The following FGD4 variants were observed in gnomAD, a reference collection of about 807,000 sequenced individuals.
FGD4 encodes the protein FYVE, RhoGEF and PH domain-containing protein 4.
FGD4 carries 42 observed loss-of-function variants against 102.0 expected under a neutral mutation model. That is an observed-to-expected ratio of 0.41 (90% CI 0.32 to 0.53). The LOEUF is 0.53. Among genes scored for constraint, FGD4 ranks in the 20% least tolerant of loss-of-function variants. FGD4 has a pLI of 0.21. For missense variants in FGD4, 902 were observed against 1,078.2 expected (o/e 0.84, Z 2.29); for synonymous variants, 380 against 375.7 (o/e 1.01, Z -0.13).
intron 4 of FGD4, among the ~76,000 whole-genome samples, chr12:32,588,924 A>G (rs1947259409): frequency 6.6e-6 from 1 of 152,180 alleles, no homozygotes; most frequent in Non-Finnish European, 1.5e-5. Context: ...TATGGGGTTA[A>G]AAACAAATTA....
rs564983024 is a variant in FGD4, at chr12:32,625,363, G to A, written c.2047-291G>A. 9.4e-5 allele frequency among the ~76,000 whole-genome samples: 14 copies of A among 149,642 alleles called. No individual in the cohort carries two copies. In the East Asian group the frequency reaches 1.6e-3, roughly 17 times the overall value. ...TGGCTCACTGCAAACTCCGCCTCCC[G>A]GGTTCAAGCGATTTTCCTGCCTTAG... On this transcript the variant is annotated intron_variant, in intron 13 of 16. Coordinates refer to ENST00000534526, the MANE Select transcript of FGD4 (RefSeq NM_001370298.3).
chr12:32,412,339 G>A (rs771594008), intron 1 of FGD4, among the ~76,000 whole-genome samples: 32 of 152,266 alleles, frequency 2.1e-4, no homozygotes, highest in Non-Finnish European at 3.2e-4. Flanking sequence ...TTTTTGTTGG[G>A]TCTATCTGGT....
chr12:32,550,932 T>A (rs1185976111), intron 1 of FGD4, among the ~76,000 whole-genome samples: 3 of 152,198 alleles, frequency 2.0e-5, no homozygotes, highest in African/African-American at 7.2e-5. Flanking sequence ...CAGCTGCGTA[T>A]CGGTTGTTAG....
In FGD4 at chr12:32,621,580, T is replaced by C. The variant is rs150979482; in HGVS notation, c.1922+1710T>C. 8.5e-3 allele frequency among the ~76,000 whole-genome samples: 1,298 copies of C among 152,354 alleles called. 16 individuals are homozygous for C. The highest frequency in any genetic ancestry group is 0.03 in the African/African-American group (1,246 of 41,574). On this transcript the variant is annotated intron_variant, in intron 11 of 16. Transcript: ENST00000534526. ...AAAAGAGAAATCATTTTAACAGGAA[T>C]CTGTGCCCAGGGAGTCCAAGAATTG...
intron 1 of FGD4, among the ~76,000 whole-genome samples, chr12:32,552,626 A>G (rs1204395395): frequency 6.6e-6 from 1 of 151,844 alleles, no homozygotes; most frequent in Non-Finnish European, 1.5e-5. Flanking sequence ...GGAAACCTCC[A>G]TTAGTACATG....
At chr12:32,554,811 C>G (rs78216880) in intron 1 of FGD4, among the ~76,000 whole-genome samples, 9,139 of 152,274 alleles carry the variant, frequency 0.06, 349 homozygotes, top group South Asian at 0.14. Context: ...GTAGTTTGCT[C>G]GGCCTGTTGG....
intron 1 of FGD4, among the ~76,000 whole-genome samples, chr12:32,473,566 G>A (rs1419873005): frequency 6.6e-6 from 1 of 151,874 alleles, no homozygotes; most frequent in African/African-American, 2.4e-5. Flanking sequence ...CTCCAGACGC[G>A]CCACCTTAAG....
At chr12:32,432,500 C>T (rs1383130487) in intron 1 of FGD4, among the ~76,000 whole-genome samples, 1 of 151,654 alleles carries the variant, frequency 6.6e-6, no homozygotes, top group East Asian at 2.0e-4. Context: ...CCTGTAATCC[C>T]AGCTACTCAG....
intron 11 of FGD4, among the ~76,000 whole-genome samples, chr12:32,621,172 C>A (rs1331419543): frequency 6.6e-6 from 1 of 151,942 alleles, no homozygotes; most frequent in Admixed American, 6.6e-5. Flanking sequence ...ATTAGGAGTT[C>A]TAGACCAGCC....
intron 1 of FGD4, among the ~76,000 whole-genome samples, chr12:32,539,757 C>T (rs1345048041): frequency 1.3e-5 from 2 of 151,772 alleles, no homozygotes; most frequent in South Asian, 2.1e-4. Flanking sequence ...AATCTATGAA[C>T]TGCTGTTTGC....
chr12:32,480,156 G>GT lies in FGD4; in HGVS notation c.166+80205dup, dbSNP rs1378780662. Among the ~76,000 whole-genome samples the GT allele has an allele frequency of 2.6e-3, 375 of 146,622 alleles. 2 individuals carry two copies. Among genetic ancestry groups the GT allele is most frequent in the African/African-American group, 7.2e-3 (285 of 39,728 alleles). On this transcript the variant is annotated intron_variant, in intron 1 of 16. Transcript: ENST00000534526. ...CAAATGGATATGTTTGTTTGTGGGG[G>GT]TTTTTTTTGTTTTTTTTGTTTTGAG...
At chr12:32,407,375 C>T (rs1214863015) in intron 1 of FGD4, among the ~76,000 whole-genome samples, 1 of 151,996 alleles carries the variant, frequency 6.6e-6, no homozygotes, top group African/African-American at 2.4e-5. Context: ...ATCCACCTGC[C>T]TTAGCCTCCC....
At chr12:32,562,272 A>T (rs540843574) in intron 1 of FGD4, among the ~76,000 whole-genome samples, 1 of 152,334 alleles carries the variant, frequency 6.6e-6, no homozygotes, top group Admixed American at 6.5e-5. Flanking sequence ...AACATCCATT[A>T]TAAGATTCCT....
intron 1 of FGD4, among the ~76,000 whole-genome samples, chr12:32,503,782 A>C (rs929503528): frequency 2.0e-5 from 3 of 152,200 alleles, no homozygotes; most frequent in Non-Finnish European, 2.9e-5. Flanking sequence ...CATAAATGTC[A>C]GTCTTTCATA....
intron 1 of FGD4, among the ~76,000 whole-genome samples, chr12:32,489,669 T>C (rs2136571462): frequency 6.6e-6 from 1 of 152,358 alleles, no homozygotes. Flanking sequence ...TAACAGGTGC[T>C]TATTGAGCAC....
chr12:32,570,772 TATAATACAAA>T (rs1179607934), intron 2 of FGD4, among the ~76,000 whole-genome samples: 6 of 152,130 alleles, frequency 3.9e-5, no homozygotes, highest in Admixed American at 2.0e-4. Context: ...CTTTCTTCCT[TATAATACAAA>T]ATAATACAAA....
In FGD4 at chr12:32,598,562, C is replaced by T. The variant is rs372065641; in HGVS notation, c.1077C>T (p.Val359=). 3.1e-6 allele frequency: 5 copies of T among 1,613,612 alleles called. No individual in the cohort carries two copies. The highest frequency in any genetic ancestry group is 4.2e-6 in the Non-Finnish European group (5 of 1,179,810). The change falls in exon 5 of 17, where the codon GTC becomes GTT. Residue 359 remains valine (V), a synonymous_variant. Transcript: ENST00000534526. ...TTTTGCTTACTGAAAGAGCTTATGTCAACCGACTTGACCTCTTAGATCAGG... is the reference window on the plus strand; with the variant it reads ...TTTTGCTTACTGAAAGAGCTTATGTTAACCGACTTGACCTCTTAGATCAGG... ...NELLLTERAY[V]NRLDLLDQVF...
intron 1 of FGD4, among the ~76,000 whole-genome samples, chr12:32,416,655 ATACTT>A (rs1337796067): frequency 6.6e-6 from 1 of 152,108 alleles, no homozygotes; most frequent in Non-Finnish European, 1.5e-5. Context: ...ATAAAACTAT[ATACTT>A]TAACTTTCTC....
At chr12:32,570,091 T>G (rs1945518324) in intron 2 of FGD4, among the ~76,000 whole-genome samples, 1 of 151,746 alleles carries the variant, frequency 6.6e-6, no homozygotes, top group Admixed American at 6.6e-5. Context: ...ATACAAAAAA[T>G]TAGCCAGTCG....
Sources: gnomAD v4.1 joint callset for allele counts (sites outside exome capture counted in the v4.1 genomes callset) on GRCh38, gnomAD v4.1.1 for gene constraint, MANE v1.5 for transcripts, NCBI Gene and HGNC (gene_info 2026-07-23, HGNC 2026-07-21) for gene names.